ZNF483: variants seen among roughly 807,000 people sequenced by gnomAD.
The protein encoded by ZNF483 is zinc finger protein HIT-10.
A neutral mutation model predicts 28.6 loss-of-function variants in ZNF483; 9 were observed. That is an observed-to-expected ratio of 0.32 (90% confidence interval 0.19 to 0.55). The LOEUF (loss-of-function observed/expected upper bound fraction) is 0.55. ZNF483 is among the 20% of genes least tolerant of loss of function. ZNF483 has a pLI of 0.93. For missense variants in ZNF483, 675 were observed against 871.7 expected, an observed-to-expected ratio of 0.77 and a Z score of 2.84; for synonymous variants, 322 against 306.2, an observed-to-expected ratio of 1.05 and a Z score of -0.54.
chr9:111,570,641 T>C (rs1246068092), intron 5 of ZNF483, among the ~76,000 whole-genome samples: 1 of 150,232 alleles, frequency 6.7e-6, no homozygotes, highest in Admixed American at 6.6e-5. Flanking sequence ...TAGCTGGGCA[T>C]GGTGGCGGGT....
chr9:111,574,800 T>A (rs1262442801), intron 5 of ZNF483: 1 of 1,613,934 alleles, frequency 6.2e-7, no homozygotes, highest in Non-Finnish European at 8.5e-7. Flanking sequence ...CTTCCAAATT[T>A]CTTCATCTGG....
rs117548172 is a variant in ZNF483, at chr9:111,569,211, C to T, written c.722-7154C>T. On this transcript the variant is annotated intron_variant, in intron 5 of 5. Transcript: ENST00000358151. ...GAACTCCCAGCATACTGAGCCCAGACGAGCTAACTAAGGGATAGCTCAAGC... is the reference window on the plus strand; with the variant it reads ...GAACTCCCAGCATACTGAGCCCAGATGAGCTAACTAAGGGATAGCTCAAGC... Among the ~76,000 whole-genome samples, 158 of 152,214 alleles carry T rather than the reference C, an allele frequency of 1.0e-3. 1 individual carries two copies. The highest frequency in any genetic ancestry group is 8.9e-3 in the East Asian group (46 of 5,186).
At position 111,531,415 on chromosome 9, in the gene ZNF483, T is replaced by C. The variant is rs74868331; in HGVS notation, c.501+452T>C. Among the ~76,000 whole-genome samples the C allele has an allele frequency of 7.4e-3, 1,123 of 152,230 alleles. 15 individuals carry two copies. The highest frequency in any genetic ancestry group is 0.026 in the African/African-American group (1,079 of 41,542). On this transcript the variant is annotated intron_variant, in intron 3 of 5. Transcript: ENST00000309235. ...TTCTTGAGACAGAGTTTTACTCCGT[T>C]GCCCAGGCTGGAGTGCGGTGGCGGT...
intron 3 of ZNF483, among the ~76,000 whole-genome samples, chr9:111,532,106 C>G (rs991349756): frequency 6.6e-6 from 1 of 152,108 alleles, no homozygotes; most frequent in East Asian, 1.9e-4. Context: ...CCTGGGAGTT[C>G]GAGAGCAGTC....
intron 5 of ZNF483, among the ~76,000 whole-genome samples, chr9:111,560,491 A>G (rs1828243700): frequency 7.9e-6 from 1 of 126,550 alleles, no homozygotes; most frequent in Non-Finnish European, 1.8e-5. Flanking sequence ...AAAAAAAAAG[A>G]TCAGCCGGGC....
exon 6 of ZNF483, chr9:111,576,702 A>G (rs2132383495): frequency 3.3e-6 from 1 of 301,754 alleles, no homozygotes; most frequent in Non-Finnish European, 6.1e-6. Context: ...CCTAGAAGCA[A>G]TGGTTTTCAG....
Position 111,545,645 on chromosome 9 carries a change from A to G in ZNF483, c.*2475A>G, listed in dbSNP as rs897611688. On this transcript the variant is annotated 3_prime_UTR_variant, in exon 6 of 6. Transcript: ENST00000309235. ...TGTCTCTAGAGTTGTCTTTTTCTGT[A>G]CATTTTATGTTATATGTGATCTTTC... Among the ~76,000 whole-genome samples, 1 of 152,136 alleles carries G rather than the reference A, an allele frequency of 6.6e-6. No individual in the cohort carries two copies. The highest frequency in any genetic ancestry group is 2.4e-5 in the African/African-American group (1 of 41,442).
downstream of ZNF483, among the ~76,000 whole-genome samples, chr9:111,558,008 A>ATGG (rs1173103287): frequency 1.3e-5 from 2 of 152,104 alleles, no homozygotes; most frequent in Non-Finnish European, 2.9e-5. Context: ...TTAGCCAGGC[A>ATGG]TGGTGGTGCG....
At chr9:111,566,071 C>T (rs1036119062) in intron 5 of ZNF483, among the ~76,000 whole-genome samples, 3 of 151,924 alleles carry the variant, frequency 2.0e-5, no homozygotes, top group African/African-American at 2.4e-5. Context: ...AGAATGGTGG[C>T]GGGCACCTGT....
chr9:111,539,518 C>T, intron 5 of ZNF483: 1 of 452,124 alleles, frequency 2.2e-6, no homozygotes, highest in Non-Finnish European at 4.4e-6. Flanking sequence ...AATCCCAGCA[C>T]TTTGGGAGGC....
downstream of ZNF483, among the ~76,000 whole-genome samples, chr9:111,559,571 T>C (rs1373885161): frequency 6.6e-6 from 1 of 151,806 alleles, no homozygotes; most frequent in East Asian, 1.9e-4. Context: ...TCCTTCTTCC[T>C]GCTCACCAGT....
At position 111,551,697 on chromosome 9, in the gene ZNF483, C is replaced by A. The variant is rs1246574050; in HGVS notation, c.*8527C>A. On this transcript the variant is annotated 3_prime_UTR_variant, in exon 6 of 6. Coordinates refer to ENST00000309235, the MANE Select transcript of ZNF483 (RefSeq NM_133464.5). ...GATTACAGGTGTGAACCGCCACACA[C>A]AACCCCAATTTTTGTTTAAAATTTG... 2.0e-5 allele frequency among the ~76,000 whole-genome samples: 3 copies of A among 152,158 alleles called. No individual in the cohort carries two copies. The highest frequency in any genetic ancestry group is 4.4e-5 in the Non-Finnish European group (3 of 68,026).
chr9:111,536,474 G>A (rs10116735), intron 5 of ZNF483, among the ~76,000 whole-genome samples: 4,369 of 152,126 alleles, frequency 0.029, 201 homozygotes, highest in African/African-American at 0.097. Flanking sequence ...GCACTGAGCC[G>A]AGATGGCGCC....
chr9:111,549,930 G>T lies in ZNF483; in HGVS notation c.*6760G>T. ...TTGGTTTATTTTGTGCCTTTGAATG[G>T]TCAATACTTGTTTCTTTGTATGCAT... On this transcript the variant is annotated 3_prime_UTR_variant, in exon 6 of 6. Transcript: ENST00000309235. The T allele has an allele frequency of 5.0e-6, 3 of 601,034 alleles. No individual in the cohort carries two copies. The highest frequency in any genetic ancestry group is 5.8e-6 in the Non-Finnish European group (2 of 345,308). 37.2% of individuals were successfully genotyped at this position (601,034 alleles called of 1,614,324 possible). A position where few individuals can be genotyped will look rare whatever the true frequency, so the allele number is the denominator to read the frequency against.
chr9:111,569,930 T>C (rs1276859467), intron 5 of ZNF483: 2 of 1,175,394 alleles, frequency 1.7e-6, no homozygotes, highest in Non-Finnish European at 2.4e-6. Flanking sequence ...CTTTCAAAGA[T>C]GGGAAAAGTA....
rs374361713 is a variant in ZNF483, at chr9:111,527,851, A to C, written c.412+44A>C. The C allele has an allele frequency of 1.5e-4, 242 of 1,613,980 alleles. 1 individual carries two copies. The highest frequency in any genetic ancestry group is 2.5e-6 in the Non-Finnish European group (3 of 1,180,030). ...GGGAGGAAGCGGGAGACATTGCCTC[A>C]AAGTCCGAAAGTAAATTCCTCAAAA... On this transcript the variant is annotated intron_variant, in intron 2 of 5. Transcript: ENST00000309235.
chr9:111,539,344 A>C (rs762498997), intron 5 of ZNF483: 2 of 419,662 alleles, frequency 4.8e-6, no homozygotes, highest in African/African-American at 4.1e-5. Context: ...ATTTGACCAG[A>C]GATAGTACTC....
At chr9:111,573,633 T>C (rs1477281794) in intron 5 of ZNF483, among the ~76,000 whole-genome samples, 2 of 152,178 alleles carry the variant, frequency 1.3e-5, no homozygotes, top group Non-Finnish European at 2.9e-5. Context: ...ACAGAATCAC[T>C]GTAGCAGAAA....
chr9:111,561,173 G>GAA (rs1564608215), intron 5 of ZNF483, among the ~76,000 whole-genome samples: 11 of 120,796 alleles, frequency 9.1e-5, no homozygotes, highest in South Asian at 5.6e-4. Flanking sequence ...GAGAGAGAGA[G>GAA]AGAGAAAGAG....
Sources: allele counts gnomAD v4.1 joint callset (sites outside exome capture counted in the v4.1 genomes callset), GRCh38; gene constraint gnomAD v4.1.1; transcripts MANE v1.5; gene names NCBI Gene and HGNC (gene_info 2026-07-23, HGNC 2026-07-21).